FMN2: variants seen among roughly 807,000 people sequenced by gnomAD.
FMN2 encodes the protein formin-2.
Under a neutral mutation model 142.3 loss-of-function variants are expected in FMN2, and 51 were observed. That is an observed-to-expected ratio of 0.36 (90% CI 0.29 to 0.45). FMN2 has a LOEUF of 0.45. Among genes scored for constraint, FMN2 ranks in the 20% least tolerant of loss-of-function variants. FMN2 has a pLI of 1.00. For missense variants in FMN2, 1,936 were observed against 2,122.8 expected (o/e 0.91, Z 1.73); for synonymous variants, 882 against 869.8 (o/e 1.01, Z -0.25).
At chr1:240,430,191 A>G (rs968638412) in intron 15 of FMN2, among the ~76,000 whole-genome samples, 2 of 151,990 alleles carry the variant, frequency 1.3e-5, no homozygotes, top group African/African-American at 2.4e-5. Context: ...CGGCCTGAAC[A>G]TTCTTGTATG....
In FMN2 at chr1:240,333,873, G is replaced by T. The variant is rs1355561824; in HGVS notation, c.4585-14G>T. ...AAAAAATATATTGTCACTGACTTTG[G>T]TCTTTCTGCCTAGGACAATAGCAGA... On this transcript the variant is annotated splice_polypyrimidine_tract_variant and intron_variant, in intron 11 of 17. Coordinates refer to ENST00000319653, the MANE Select transcript of FMN2 (RefSeq NM_020066.5). 7.6e-6 allele frequency: 12 copies of T among 1,576,944 alleles called. No homozygotes were observed. The highest frequency in any genetic ancestry group is 1.2e-5 in the South Asian group (1 of 82,420).
At chr1:240,159,422 C>T (rs780541829) in intron 2 of FMN2, among the ~76,000 whole-genome samples, 5 of 152,074 alleles carry the variant, frequency 3.3e-5, no homozygotes, top group Non-Finnish European at 7.4e-5. Flanking sequence ...CTGTATTTGA[C>T]AGTAGTAGCC....
intron 1 of FMN2, among the ~76,000 whole-genome samples, chr1:240,117,707 A>G (rs569759469): frequency 6.6e-6 from 1 of 152,300 alleles, no homozygotes; most frequent in South Asian, 2.1e-4. Context: ...CAGGAGTTAG[A>G]TGCTGCATTC....
chr1:240,222,397 G>A (rs1468991070), intron 6 of FMN2, among the ~76,000 whole-genome samples: 1 of 152,136 alleles, frequency 6.6e-6, no homozygotes, highest in Non-Finnish European at 1.5e-5. Flanking sequence ...CTGTAGCCTT[G>A]TAGTAGAGTT....
At chr1:240,430,497 G>A (rs1675126357) in intron 15 of FMN2, among the ~76,000 whole-genome samples, 1 of 151,932 alleles carries the variant, frequency 6.6e-6, no homozygotes, top group Admixed American at 6.6e-5. Flanking sequence ...TTTTTACTTT[G>A]CTAAAGTCTG....
At chr1:240,133,907 T>G (rs1439616779) in intron 2 of FMN2, among the ~76,000 whole-genome samples, 1 of 152,226 alleles carries the variant, frequency 6.6e-6, no homozygotes, top group Non-Finnish European at 1.5e-5. Context: ...GTCCTTGTGT[T>G]TACCTGACAG....
At chr1:240,302,231 AT>A (rs1670225909) in intron 8 of FMN2, among the ~76,000 whole-genome samples, 1 of 152,014 alleles carries the variant, frequency 6.6e-6, no homozygotes, top group Admixed American at 6.6e-5. Flanking sequence ...CTTTGTTAAC[AT>A]TGATAATTTT....
At chr1:240,467,846 A>T (rs780898761) in intron 16 of FMN2, among the ~76,000 whole-genome samples, 85 of 152,324 alleles carry the variant, frequency 5.6e-4, no homozygotes, top group Non-Finnish European at 9.1e-4. Context: ...ATTAAAATAA[A>T]CATCAAGTTT....
intron 16 of FMN2, among the ~76,000 whole-genome samples, chr1:240,441,951 G>C (rs1251703393): frequency 5.3e-5 from 8 of 152,146 alleles, no homozygotes. Context: ...GAGAGACAGA[G>C]AGAGAGAGAG....
chr1:240,093,597 G>T lies in FMN2; in HGVS notation c.1488G>T (p.Val496=). Residue 496 remains valine (V), a synonymous_variant, in exon 1 of 18, where the codon GTG becomes GTT. Transcript: ENST00000319653. ...TEELGARTPR[V]GGSAHLLERG... ...AGCTAGGCGCCCGCACGCCCCGGGT[G>T]GGAGGCTCCGCGCACCTGCTGGAGC... 7.0e-7 allele frequency: 1 copy of T among 1,438,008 alleles called. No homozygotes were observed. Among genetic ancestry groups the T allele is most frequent in the East Asian group, 2.7e-5 (1 of 36,658 alleles). 89.1% of individuals were successfully genotyped at this position (1,438,008 alleles called of 1,614,324 possible). A position where few individuals can be genotyped will look rare whatever the true frequency, so the allele number is the denominator to read the frequency against.
intron 8 of FMN2, among the ~76,000 whole-genome samples, chr1:240,323,240 G>GC (rs1329233436): frequency 6.8e-6 from 1 of 147,610 alleles, no homozygotes; most frequent in African/African-American, 2.5e-5. Context: ...TCTCACCCAG[G>GC]CTGGAGTGCA....
intron 6 of FMN2, among the ~76,000 whole-genome samples, chr1:240,249,971 A>G (rs542218623): frequency 1.3e-5 from 2 of 152,084 alleles, no homozygotes; most frequent in Non-Finnish European, 2.9e-5. Context: ...AGTTCATCAG[A>G]ACTAATGGTT....
At chr1:240,203,273 C>CA (rs1666197619) in intron 4 of FMN2, among the ~76,000 whole-genome samples, 2 of 151,502 alleles carry the variant, frequency 1.3e-5, no homozygotes, top group African/African-American at 4.9e-5. Context: ...GACCTAGGAA[C>CA]AGAAATAGCA....
chr1:240,316,290 G>A (rs779692865), intron 8 of FMN2, among the ~76,000 whole-genome samples: 3 of 152,206 alleles, frequency 2.0e-5, no homozygotes, highest in Non-Finnish European at 2.9e-5. Context: ...TAGAGAGGCA[G>A]TATCTGGGAT....
intron 16 of FMN2, among the ~76,000 whole-genome samples, chr1:240,468,914 T>C (rs1676721406): frequency 6.6e-6 from 1 of 152,210 alleles, no homozygotes; most frequent in Non-Finnish European, 1.5e-5. Context: ...TCTGGCAACA[T>C]AGTCGACCTC....
intron 16 of FMN2, among the ~76,000 whole-genome samples, chr1:240,453,630 AAGG>A (rs959655564): frequency 5.9e-5 from 9 of 152,188 alleles, no homozygotes; most frequent in African/African-American, 2.2e-4. Flanking sequence ...GAGCTTGGAA[AAGG>A]AGGAGAATGA....
intron 16 of FMN2, chr1:240,457,865 A>G (rs1031315159): frequency 1.3e-5 from 2 of 152,296 alleles, no homozygotes; most frequent in Non-Finnish European, 2.9e-5. Context: ...AAGTGAGGTC[A>G]GGCCTTTAAG....
chr1:240,112,282 C>G (rs576486943), intron 1 of FMN2, among the ~76,000 whole-genome samples: 62 of 152,130 alleles, frequency 4.1e-4, no homozygotes, highest in Non-Finnish European at 7.5e-4. Flanking sequence ...CAGGCACGCA[C>G]CACCACACCC....
rs761364785 is a variant in FMN2, at chr1:240,092,366, A to T, written c.257A>T (p.Lys86Met). 3 of 1,609,384 alleles carry T rather than the reference A, an allele frequency of 1.9e-6. No individual in the cohort carries two copies. In the South Asian group the frequency reaches 3.3e-5, roughly 18 times the overall value. ...SNLRIRKNLS[K>M]GKGAGGSRED... ...CTGCGGATCAGGAAGAATCTGTCCA[A>T]GGGGAAAGGCGCCGGCGGCTCCCGC... Residue 86 changes from lysine (K) to methionine (M), a missense_variant, in exon 1 of 18, where the codon AAG becomes ATG. Coordinates refer to ENST00000319653, the MANE Select transcript of FMN2 (RefSeq NM_020066.5).
Sources: allele counts gnomAD v4.1 joint callset (sites outside exome capture counted in the v4.1 genomes callset), GRCh38; gene constraint gnomAD v4.1.1; transcripts MANE v1.5; gene names NCBI Gene and HGNC (gene_info 2026-07-23, HGNC 2026-07-21).